NTRK3: variants seen among roughly 807,000 people sequenced by gnomAD.
The protein encoded by NTRK3 is neurotrophic receptor tyrosine kinase 3.
Under a neutral mutation model 91.7 loss-of-function variants are expected in NTRK3, and 24 were observed. The observed-to-expected ratio is 0.26, with a 90% CI of 0.19 to 0.37. NTRK3 has a LOEUF of 0.37. Among genes scored for constraint, NTRK3 ranks in the 10% least tolerant of loss-of-function variants. The pLI, the probability that NTRK3 is intolerant of heterozygous loss-of-function variation, is 1.00. For missense variants in NTRK3, 880 were observed against 1,068.9 expected, an observed-to-expected ratio of 0.82 and a Z score of 2.46; for synonymous variants, 483 against 404.0, an observed-to-expected ratio of 1.20 and a Z score of -2.34.
intron 14 of NTRK3, among the ~76,000 whole-genome samples, chr15:87,967,705 GTTC>G (rs2072911031): frequency 6.6e-6 from 1 of 152,176 alleles, no homozygotes; most frequent in Non-Finnish European, 1.5e-5. Flanking sequence ...TCAAGCCCAT[GTTC>G]TTCTCCAGAG....
chr15:87,876,914 A>G (rs2141434152), exon 19 of NTRK3: 1 of 1,613,590 alleles, frequency 6.2e-7, no homozygotes, highest in South Asian at 1.1e-5. Context: ...CAGAGTATGA[A>G]TTCATGACCA....
chr15:87,975,518 G>A (rs909315546), intron 14 of NTRK3, among the ~76,000 whole-genome samples: 1 of 152,188 alleles, frequency 6.6e-6, no homozygotes, highest in Non-Finnish European at 1.5e-5. Context: ...GGGAGCTGCA[G>A]GACTGGCTGG....
At chr15:88,095,683 G>A (rs552309430) in intron 13 of NTRK3, among the ~76,000 whole-genome samples, 2 of 152,220 alleles carry the variant, frequency 1.3e-5, no homozygotes, top group Non-Finnish European at 2.9e-5. Flanking sequence ...AGGTTTAGAA[G>A]GTTTGAGGAG....
At chr15:88,131,988 G>A (rs2041403605) in intron 10 of NTRK3, 1 of 202,166 alleles carries the variant, frequency 4.9e-6, no homozygotes, top group Non-Finnish European at 1.0e-5. Context: ...GAATACACAT[G>A]TCTCCTACAG....
chr15:87,929,487 G>T, intron 16 of NTRK3, 53 bp from the exon 17 acceptor site: 1 of 1,603,320 alleles, frequency 6.2e-7, no homozygotes, highest in South Asian at 1.1e-5. Flanking sequence ...GGAGATCAAG[G>T]AGAAAGGCCT....
intron 14 of NTRK3, among the ~76,000 whole-genome samples, chr15:88,016,904 G>A (rs1596719855): frequency 6.8e-6 from 1 of 145,994 alleles, no homozygotes. Flanking sequence ...ATTATCCCAG[G>A]GAAGGGGAAT....
intron 17 of NTRK3, among the ~76,000 whole-genome samples, chr15:87,899,659 AC>A (rs1274882167): frequency 1.3e-5 from 2 of 152,206 alleles, no homozygotes; most frequent in Non-Finnish European, 2.9e-5. Context: ...GACCAGGAAC[AC>A]TTTGCATATT....
At chr15:88,118,281 T>C (rs117721035) in intron 13 of NTRK3, among the ~76,000 whole-genome samples, 2,400 of 152,276 alleles carry the variant, frequency 0.016, 28 homozygotes, top group Middle Eastern at 0.024. Context: ...AGCTTCTCAT[T>C]AGCCAAAGCC....
chr15:88,170,602 G>A (rs1336224607), intron 5 of NTRK3, among the ~76,000 whole-genome samples: 29 of 152,268 alleles, frequency 1.9e-4, no homozygotes. Context: ...AGTCACCTGT[G>A]CACCATCTAA....
At chr15:87,952,772 T>A (rs1420574594) in intron 14 of NTRK3, among the ~76,000 whole-genome samples, 1 of 152,112 alleles carries the variant, frequency 6.6e-6, no homozygotes, top group Non-Finnish European at 1.5e-5. Flanking sequence ...GCTGGGCCCC[T>A]TTCAAGGTAT....
chr15:88,112,042 G>T (rs1282054561), intron 13 of NTRK3, among the ~76,000 whole-genome samples: 2 of 152,018 alleles, frequency 1.3e-5, no homozygotes, highest in Non-Finnish European at 2.9e-5. Context: ...GAGTAGCTGG[G>T]ACTACAGGCA....
chr15:88,030,269 C>A (rs1156370652), intron 14 of NTRK3, among the ~76,000 whole-genome samples: 1 of 152,196 alleles, frequency 6.6e-6, no homozygotes, highest in East Asian at 1.9e-4. Context: ...CACTTTGAAT[C>A]ACAAATCTAG....
rs149279639 is a variant in NTRK3, at chr15:88,033,176, T to TTATATATA, written c.1397-139_1397-132dup. 9.4e-3 allele frequency: 1,840 copies of TTATATATA among 195,398 alleles called. 66 individuals are homozygous for TTATATATA. Among genetic ancestry groups the TTATATATA allele is most frequent in the African/African-American group, 0.026 (416 of 16,142 alleles). 12.1% of individuals were successfully genotyped at this position (195,398 alleles called of 1,614,324 possible). Reference sequence around the variant, plus strand: ...CTTTTTTTTACTTTTGGGGGGTGTGTTATATATATATATATATATATATAT... The same window carrying TTATATATA: ...CTTTTTTTTACTTTTGGGGGGTGTGTTATATATATATATATATATATATATATATATAT... On this transcript the variant is annotated intron_variant, in intron 13 of 18. Coordinates refer to ENST00000394480, the Ensembl canonical transcript of NTRK3.
intron 18 of NTRK3, among the ~76,000 whole-genome samples, chr15:87,878,731 T>C (rs958259982): frequency 3.3e-5 from 5 of 152,214 alleles, no homozygotes; most frequent in Admixed American, 2.0e-4. Flanking sequence ...AGCCTGCCTT[T>C]AAGGCCAATG....
intron 14 of NTRK3, among the ~76,000 whole-genome samples, chr15:87,987,538 T>G (rs2141445121): frequency 6.6e-6 from 1 of 152,188 alleles, no homozygotes; most frequent in African/African-American, 2.4e-5. Flanking sequence ...TGTGTGTGTG[T>G]GTGTGTGTGT....
chr15:87,954,073 C>G (rs1056230953), intron 14 of NTRK3, among the ~76,000 whole-genome samples: 6 of 145,608 alleles, frequency 4.1e-5, no homozygotes, highest in African/African-American at 1.6e-4. Context: ...CTTTTTTTCT[C>G]TGAAATAGAT....
chr15:87,891,951 A>G (rs1225452089), intron 17 of NTRK3, among the ~76,000 whole-genome samples: 1 of 152,178 alleles, frequency 6.6e-6, no homozygotes, highest in Admixed American at 6.5e-5. Flanking sequence ...CATGAAGTCT[A>G]TCCAGCGTGT....
At chr15:88,085,216 G>A (rs2048390746) in intron 13 of NTRK3, among the ~76,000 whole-genome samples, 1 of 152,186 alleles carries the variant, frequency 6.6e-6, no homozygotes, top group South Asian at 2.1e-4. Flanking sequence ...GTTTTCAGAG[G>A]CAGGAACACC....
At chr15:87,870,987 A>G (rs2064815115) in exon 19 of NTRK3, 1 of 231,224 alleles carries the variant, frequency 4.3e-6, no homozygotes, top group Non-Finnish European at 8.6e-6. Flanking sequence ...AAAGAAAGAT[A>G]GCCAAGCTCA....
Sources: allele counts gnomAD v4.1 joint callset (sites outside exome capture counted in the v4.1 genomes callset), GRCh38; gene constraint gnomAD v4.1.1; transcripts MANE v1.5; gene names NCBI Gene and HGNC (gene_info 2026-07-23, HGNC 2026-07-21).